The following PTPRN2 variants were observed in gnomAD, a reference collection of about 807,000 sequenced individuals.
The protein encoded by PTPRN2 is receptor-type tyrosine-protein phosphatase N2.
In PTPRN2, 74 loss-of-function variants were observed where a neutral mutation model predicts 118.8. That is an observed-to-expected ratio of 0.62 (90% CI 0.52 to 0.76). PTPRN2 has a LOEUF of 0.76. PTPRN2 is among the 30% of genes least tolerant of loss of function. PTPRN2 has a pLI of 0.00. For missense variants in PTPRN2, 1,481 were observed against 1,394.4 expected (o/e 1.06, Z -0.99); for synonymous variants, 641 against 608.0 (o/e 1.05, Z -0.80).
intron 6 of PTPRN2, among the ~76,000 whole-genome samples, chr7:158,152,077 G>C (rs1821240014): frequency 6.7e-6 from 1 of 148,886 alleles, no homozygotes; most frequent in Non-Finnish European, 1.5e-5. Flanking sequence ...AGGAGGCTGA[G>C]GCAGGAGAAT....
chr7:158,181,587 A>G (rs1824711579), intron 5 of PTPRN2, among the ~76,000 whole-genome samples: 1 of 152,018 alleles, frequency 6.6e-6, no homozygotes, highest in Non-Finnish European at 1.5e-5. Context: ...GTTATGGGCA[A>G]TTTTTAAGTT....
intron 12 of PTPRN2, among the ~76,000 whole-genome samples, chr7:157,828,512 A>T (rs1034760715): frequency 6.6e-6 from 1 of 152,148 alleles, no homozygotes; most frequent in African/African-American, 2.4e-5. Context: ...GAGTCTGGAA[A>T]GTGGCAGCAG....
chr7:157,652,772 T>C (rs930369215), intron 14 of PTPRN2, among the ~76,000 whole-genome samples: 4 of 152,178 alleles, frequency 2.6e-5, no homozygotes, highest in Non-Finnish European at 5.9e-5. Flanking sequence ...CCGCCTCCTG[T>C]CTCCCAGGGA....
At chr7:158,410,231 C>G (rs1454442991) in intron 2 of PTPRN2, among the ~76,000 whole-genome samples, 1 of 152,174 alleles carries the variant, frequency 6.6e-6, no homozygotes, top group African/African-American at 2.4e-5. Flanking sequence ...ACAAGGCCCG[C>G]TCCCTCTCTA....
intron 12 of PTPRN2, among the ~76,000 whole-genome samples, chr7:157,825,596 A>G (rs1024658823): frequency 2.0e-5 from 3 of 152,244 alleles, no homozygotes; most frequent in African/African-American, 7.2e-5. Context: ...ACACCTTTGA[A>G]CAATGAAGGC....
chr7:158,270,814 A>G (rs550640567), intron 3 of PTPRN2, among the ~76,000 whole-genome samples: 717 of 5,710 alleles, frequency 0.13, 67 homozygotes, highest in African/African-American at 0.2. Flanking sequence ...CCTCACCTGG[A>G]CCGCCCCCTC....
intron 14 of PTPRN2, among the ~76,000 whole-genome samples, chr7:157,623,730 T>C (rs1008655067): frequency 6.6e-6 from 1 of 152,208 alleles, no homozygotes; most frequent in Non-Finnish European, 1.5e-5. Flanking sequence ...GCGATGTTTT[T>C]TCACGGAGAA....
chr7:158,101,516 T>C (rs1457081505), intron 10 of PTPRN2, among the ~76,000 whole-genome samples: 3 of 152,244 alleles, frequency 2.0e-5, no homozygotes, highest in South Asian at 2.1e-4. Context: ...CAATGATAAA[T>C]AGCTGGGACT....
At chr7:158,092,173 G>T (rs1302274774) in intron 10 of PTPRN2, among the ~76,000 whole-genome samples, 1 of 150,584 alleles carries the variant, frequency 6.6e-6, no homozygotes, top group Non-Finnish European at 1.5e-5. Flanking sequence ...GGAGGGCAGA[G>T]ATATATATAC....
intron 12 of PTPRN2, among the ~76,000 whole-genome samples, chr7:157,706,098 C>G (rs1457374736): frequency 1.3e-5 from 2 of 151,798 alleles, no homozygotes; most frequent in Admixed American, 1.3e-4. Flanking sequence ...CAGGTGCCTT[C>G]CGGATTAACG....
chr7:157,740,690 T>C (rs1292399770), intron 12 of PTPRN2, among the ~76,000 whole-genome samples: 1 of 152,196 alleles, frequency 6.6e-6, no homozygotes, highest in Non-Finnish European at 1.5e-5. Flanking sequence ...TCAATGCTTT[T>C]TCTTTTAAAC....
At chr7:158,382,678 C>A (rs543832529) in intron 2 of PTPRN2, among the ~76,000 whole-genome samples, 1 of 152,180 alleles carries the variant, frequency 6.6e-6, no homozygotes, top group African/African-American at 2.4e-5. Context: ...TTGTGAACTG[C>A]GCACAGGAGG....
Position 158,179,982 on chromosome 7 carries a change from C to T in PTPRN2, c.549+12345G>A, listed in dbSNP as rs78576374. ...AGCTTCCCTGAGCTGCTACTCTCTGCCTATGGGGTAGCCTGGCTCTGCAGG... is the reference window on the plus strand; with the variant it reads ...AGCTTCCCTGAGCTGCTACTCTCTGTCTATGGGGTAGCCTGGCTCTGCAGG... On this transcript the variant is annotated intron_variant, in intron 5 of 22. Coordinates refer to ENST00000389418, the MANE Select transcript of PTPRN2 (RefSeq NM_002847.5). 8.3e-3 allele frequency among the ~76,000 whole-genome samples: 1,263 copies of T among 152,358 alleles called. 21 individuals carry two copies. Among genetic ancestry groups the T allele is most frequent in the African/African-American group, 0.028 (1,183 of 41,580 alleles).
At chr7:157,917,080 C>A in intron 11 of PTPRN2, among the ~76,000 whole-genome samples, 1 of 150,576 alleles carries the variant, frequency 6.6e-6, no homozygotes, top group South Asian at 2.1e-4. Flanking sequence ...TGGCCATGCA[C>A]CCCGGCCACT....
At chr7:158,323,843 C>T (rs145754723) in intron 2 of PTPRN2, among the ~76,000 whole-genome samples, 233 of 152,260 alleles carry the variant, frequency 1.5e-3, no homozygotes, top group Admixed American at 4.3e-3. Flanking sequence ...CGTGTGTACA[C>T]GGTGCATGTA....
chr7:158,304,435 G>T (rs1801126535), intron 3 of PTPRN2, among the ~76,000 whole-genome samples: 1 of 148,308 alleles, frequency 6.7e-6, no homozygotes, highest in Admixed American at 6.8e-5. Context: ...CTACATGCTA[G>T]GGAGGCATAA....
In PTPRN2 at chr7:158,404,124, G is replaced by A. The variant is rs1183158361; in HGVS notation, c.163+85611C>T. Among the ~76,000 whole-genome samples, 9 of 152,200 alleles carry A rather than the reference G, an allele frequency of 5.9e-5. 1 individual carries two copies. Among genetic ancestry groups the A allele is most frequent in the African/African-American group, 1.9e-4 (8 of 41,448 alleles). ...AATAAAAGGTATCGCCGTGACAATA[G>A]GAGAGATCAACTTTACAAACATCGC... is the stretch of plus-strand genomic sequence containing the variant. On this transcript the variant is annotated intron_variant, in intron 2 of 22. Transcript: ENST00000389418.
chr7:157,683,275 A>G (rs1796999827), intron 12 of PTPRN2, among the ~76,000 whole-genome samples: 1 of 152,164 alleles, frequency 6.6e-6, no homozygotes, highest in Non-Finnish European at 1.5e-5. Flanking sequence ...CTAACCGGGC[A>G]CAGCAGTTTG....
chr7:157,875,909 C>A (rs1294857641), intron 12 of PTPRN2, among the ~76,000 whole-genome samples: 1 of 150,312 alleles, frequency 6.7e-6, no homozygotes, highest in Non-Finnish European at 1.5e-5. Flanking sequence ...CAGGCATCCC[C>A]AGGGTGGGCA....
Sources: allele counts gnomAD v4.1 joint callset (sites outside exome capture counted in the v4.1 genomes callset), GRCh38; gene constraint gnomAD v4.1.1; transcripts MANE v1.5; gene names NCBI Gene and HGNC (gene_info 2026-07-23, HGNC 2026-07-21).